Variants in PRRC2B observed in about 807,000 individuals in gnomAD.
PRRC2B encodes the protein protein PRRC2B.
A neutral mutation model predicts 242.3 loss-of-function variants in PRRC2B; 68 were observed. The ratio of observed to expected loss-of-function variants is 0.28; its 90% confidence interval spans 0.23 to 0.34. The LOEUF (loss-of-function observed/expected upper bound fraction) is 0.34. Among genes scored for constraint, PRRC2B ranks in the 10% least tolerant of loss-of-function variants. The pLI, the probability that PRRC2B is intolerant of heterozygous loss-of-function variation, is 1.00. For missense variants in PRRC2B, 2,835 were observed against 2,954.8 expected (o/e 0.96, Z 0.94); for synonymous variants, 1,228 against 1,173.6 (o/e 1.05, Z -0.95).
chr9:131,408,264 G>A (rs143545665), intron 1 of PRRC2B, among the ~76,000 whole-genome samples: 1 of 152,250 alleles, frequency 6.6e-6, no homozygotes, highest in Non-Finnish European at 1.5e-5. Flanking sequence ...TTCTTTCTAT[G>A]GACACAAACG....
chr9:131,395,311 T>G (rs1837018446), intron 1 of PRRC2B, among the ~76,000 whole-genome samples: 1 of 152,180 alleles, frequency 6.6e-6, no homozygotes. Flanking sequence ...TGATGTGGCT[T>G]TGTACAGTGT....
intron 26 of PRRC2B, chr9:131,486,618 T>C (rs1944032241): frequency 2.3e-6 from 2 of 859,322 alleles, no homozygotes; most frequent in Non-Finnish European, 2.8e-6. Flanking sequence ...GGGTGATTTT[T>C]GGAAGTCTCC....
intron 1 of PRRC2B, among the ~76,000 whole-genome samples, chr9:131,397,518 TTC>T (rs1421892693): frequency 6.6e-6 from 1 of 151,826 alleles, no homozygotes; most frequent in Non-Finnish European, 1.5e-5. Context: ...TGAATTTCAG[TTC>T]TCTTTTTTTA....
intron 5 of PRRC2B, among the ~76,000 whole-genome samples, chr9:131,439,755 G>A (rs1457020865): frequency 1.3e-5 from 2 of 152,166 alleles, no homozygotes; most frequent in Non-Finnish European, 2.9e-5. Flanking sequence ...CTCCCAAGGG[G>A]CTGAGGGTAC....
At chr9:131,490,021 C>G (rs2131480001) in intron 28 of PRRC2B, among the ~76,000 whole-genome samples, 1 of 152,236 alleles carries the variant, frequency 6.6e-6, no homozygotes, top group East Asian at 1.9e-4. Context: ...AGTCATGGCT[C>G]TAAATTCCTT....
chr9:131,475,365 G>A lies in PRRC2B; in HGVS notation c.3236G>A (p.Arg1079Gln), dbSNP rs1000578693. The A allele has an allele frequency of 5.7e-6, 9 of 1,585,426 alleles. No homozygotes were observed. The highest frequency in any genetic ancestry group is 1.8e-5 in the Admixed American group (1 of 55,602). The stretch of plus-strand genomic sequence containing the variant: ...TTCAGAGAGTTCACTTTTCGTGGTC[G>A]GCCTGCTGGCGGAAATGGGAGCGGC... ...RGFREFTFRGRPAGGNGSGLC... is the reference protein window; with the variant it reads ...RGFREFTFRGQPAGGNGSGLC... The change falls in exon 16 of 32, where the codon CGG becomes CAG. Residue 1079 changes from arginine (R) to glutamine (Q), a missense_variant. This residue lies in a region of PRRC2B where 1,536 missense variants were observed against 1,483.1 expected (regional missense o/e 1.04). Transcript: ENST00000683519.
Position 131,475,044 on chromosome 9 carries a change from G to A in PRRC2B, c.2915G>A (p.Arg972Gln), listed in dbSNP as rs749811639. 3.2e-5 allele frequency: 52 copies of A among 1,608,108 alleles called. No homozygotes were observed. Among genetic ancestry groups the A allele is most frequent in the Admixed American group, 1.2e-4 (7 of 59,308 alleles). The change falls in exon 16 of 32, where the codon CGG becomes CAG. Residue 972 changes from arginine (R) to glutamine (Q), a missense_variant. Physicochemically the swap from Arg to Gln is conservative, Grantham distance 43. This residue lies in a region of PRRC2B where 1,536 missense variants were observed against 1,483.1 expected (regional missense o/e 1.04). Coordinates refer to ENST00000683519, the MANE Select transcript of PRRC2B (RefSeq NM_013318.4). ...IKQELGEEST[R>Q]LAKEKEQSPT... is the part of the protein sequence containing the mutation. ...CAGGAGCTAGGGGAGGAGAGTACCC[G>A]GCTGGCCAAGGAGAAGGAGCAGAGC...
At chr9:131,488,701 A>C (rs1051802328) in intron 28 of PRRC2B, among the ~76,000 whole-genome samples, 1 of 152,000 alleles carries the variant, frequency 6.6e-6, no homozygotes, top group Non-Finnish European at 1.5e-5. Flanking sequence ...CTCTTTGTGT[A>C]GTTGTTGATG....
At chr9:131,478,446 T>C in intron 17 of PRRC2B, 28 bp from the exon 18 acceptor site, 3 of 1,610,372 alleles carry the variant, frequency 1.9e-6, no homozygotes, top group Non-Finnish European at 2.5e-6. Context: ...GTGGAAAGAC[T>C]GTTCCTTCTC....
intron 28 of PRRC2B, chr9:131,490,994 C>T (rs1340348201): frequency 3.9e-6 from 1 of 256,748 alleles, no homozygotes; most frequent in African/African-American, 2.2e-5. Context: ...GTGTGACACA[C>T]TATCCTGGCA....
chr9:131,420,485 CTTTCTTTCTTTT>C (rs1212866622), intron 1 of PRRC2B, among the ~76,000 whole-genome samples: 1 of 15,750 alleles, frequency 6.3e-5, no homozygotes, highest in African/African-American at 1.6e-4. Context: ...TTCTTTCTTT[CTTTCTTTCTTTT>C]TTTTTTTTTT....
Position 131,487,810 on chromosome 9 carries a change from G to T in PRRC2B, c.5985-46G>T. On this transcript the variant is annotated intron_variant, in intron 27 of 31. Coordinates refer to ENST00000683519, the MANE Select transcript of PRRC2B (RefSeq NM_013318.4). This position sits in a 1 kb window ranked among gnomAD's most constrained non-coding sequence, Gnocchi z 5.3. ...TCTGAAGGGTGGGACCAGATCCGCAGCTGGACTCATCCACCTGATCCCGAC... is the reference window on the plus strand; with the variant it reads ...TCTGAAGGGTGGGACCAGATCCGCATCTGGACTCATCCACCTGATCCCGAC... The T allele has an allele frequency of 6.3e-7, 1 of 1,577,966 alleles. No individual in the cohort carries two copies. Among genetic ancestry groups the T allele is most frequent in the Non-Finnish European group, 8.6e-7 (1 of 1,156,144 alleles).
chr9:131,383,757 G>T (rs557001557), intron 1 of PRRC2B, among the ~76,000 whole-genome samples: 2 of 151,896 alleles, frequency 1.3e-5, no homozygotes, highest in East Asian at 3.9e-4. Context: ...AAATAGCTGG[G>T]ACTACAGATG....
Position 131,492,188 on chromosome 9 carries a change from A to G in PRRC2B, c.6401A>G (p.Lys2134Arg). 6.2e-7 allele frequency: 1 copy of G among 1,613,748 alleles called. No homozygotes were observed. Among genetic ancestry groups the G allele is most frequent in the Non-Finnish European group, 8.5e-7 (1 of 1,179,766 alleles). The change falls in exon 30 of 32, where the codon AAA becomes AGA. Residue 2134 changes from lysine (K) to arginine (R), a missense_variant. By Grantham distance (26) the Lys-to-Arg change is conservative. This residue lies in a region of PRRC2B where 574 missense variants were observed against 626.0 expected (regional missense o/e 0.92). Coordinates refer to ENST00000683519, the MANE Select transcript of PRRC2B (RefSeq NM_013318.4). ...TSREPSQMEM[K>R]GFHFADSKQN... Reference sequence around the variant, plus strand: ...CTCTAGCCCTCTCAGATGGAGATGAAAGGCTTCCACTTTGCCGACAGTAAA... The same window carrying G: ...CTCTAGCCCTCTCAGATGGAGATGAGAGGCTTCCACTTTGCCGACAGTAAA...
rs752266437 is a variant in PRRC2B, at chr9:131,494,160, G to A, written c.6474-245G>A. 3.9e-5 allele frequency among the ~76,000 whole-genome samples: 6 copies of A among 152,110 alleles called. No individual in the cohort carries two copies. The highest frequency in any genetic ancestry group is 8.8e-5 in the Non-Finnish European group (6 of 68,020). ...CCTCAGCCTCCCTCTCTTGCGGTGC[G>A]TCTCCTTGAGCTCTGTCCTGGAGGT... On this transcript the variant is annotated intron_variant, in intron 30 of 31. Coordinates refer to ENST00000683519, the MANE Select transcript of PRRC2B (RefSeq NM_013318.4). This position sits in a 1 kb window ranked among gnomAD's most constrained non-coding sequence, Gnocchi z 4.3.
chr9:131,388,948 C>T (rs1836862749), intron 1 of PRRC2B, among the ~76,000 whole-genome samples: 1 of 147,812 alleles, frequency 6.8e-6, no homozygotes. Flanking sequence ...TCAACCAATT[C>T]TCCTGCCTCG....
intron 10 of PRRC2B, among the ~76,000 whole-genome samples, chr9:131,456,018 CAGG>C (rs1355185246): frequency 3.3e-5 from 5 of 151,912 alleles, no homozygotes; most frequent in African/African-American, 7.2e-5. Flanking sequence ...GTGGCTGAGG[CAGG>C]AGAATTGCTT....
intron 1 of PRRC2B, among the ~76,000 whole-genome samples, chr9:131,418,338 C>A (rs940340674): frequency 6.6e-6 from 1 of 152,268 alleles, no homozygotes; most frequent in African/African-American, 2.4e-5. Context: ...AAAGGGGGTT[C>A]ATCCTCTATA....
rs1457219410 is a variant in PRRC2B at position 131,403,518 on chromosome 9, AT to A, written c.-52+9264del. On this transcript the variant is annotated intron_variant, in intron 1 of 31. Transcript: ENST00000683519. ...AGGTGCATCCCGCCACGCCTGGCTA[AT>A]TTTTTTTTGTATTTTAGTAGAGATG... Among the ~76,000 whole-genome samples, 9 of 150,290 alleles carry A rather than the reference AT, an allele frequency of 6.0e-5. No homozygotes were observed. The East Asian group carries it at 1.4e-3, about 23-fold the overall frequency.
Sources: allele counts gnomAD v4.1 joint callset (sites outside exome capture counted in the v4.1 genomes callset), GRCh38; gene constraint gnomAD v4.1.1; regional missense constraint gnomAD v4.1.1; non-coding constraint Gnocchi (gnomAD v3.1); transcripts MANE v1.5; gene names NCBI Gene and HGNC (gene_info 2026-07-23, HGNC 2026-07-21).